The following PTPN2 variants were observed in gnomAD, a reference collection of about 807,000 sequenced individuals.
PTPN2 encodes the protein tyrosine-protein phosphatase non-receptor type 2.
In PTPN2, 19 loss-of-function variants were observed where a neutral mutation model predicts 57.3. The ratio of observed to expected loss-of-function variants is 0.33; its 90% CI spans 0.23 to 0.49. The LOEUF is 0.49. Ranked by LOEUF, PTPN2 falls within the 20% of genes least tolerant of loss-of-function variation. The pLI, the probability that PTPN2 is intolerant of heterozygous loss-of-function variation, is 0.99. For missense variants in PTPN2, 358 were observed against 501.1 expected (o/e 0.71, Z 2.73); for synonymous variants, 153 against 164.9 (o/e 0.93, Z 0.55).
intron 5 of PTPN2, among the ~76,000 whole-genome samples, chr18:12,823,221 T>C (rs1393647515): frequency 6.6e-6 from 1 of 152,124 alleles, no homozygotes; most frequent in Non-Finnish European, 1.5e-5. Context: ...CAATAAAAAA[T>C]CCAGTGATCA....
intron 3 of PTPN2, among the ~76,000 whole-genome samples, chr18:12,835,862 C>A (rs2042845092): frequency 6.6e-6 from 1 of 152,158 alleles, no homozygotes; most frequent in African/African-American, 2.4e-5. Context: ...ATTCTTTGAA[C>A]TAGGAGTTTA....
At chr18:12,857,468 C>T (rs1052613197) in intron 2 of PTPN2, among the ~76,000 whole-genome samples, 1 of 152,080 alleles carries the variant, frequency 6.6e-6, no homozygotes, top group Admixed American at 6.6e-5. Context: ...GGGGTATACT[C>T]GATCTTTCTG....
chr18:12,796,464 G>T (rs1255790619), intron 8 of PTPN2, among the ~76,000 whole-genome samples: 1 of 152,140 alleles, frequency 6.6e-6, no homozygotes, highest in Non-Finnish European at 1.5e-5. Context: ...CTATGTATTA[G>T]AATATTTTAA....
At chr18:12,832,487 G>A (rs1420521133) in intron 3 of PTPN2, among the ~76,000 whole-genome samples, 1 of 152,104 alleles carries the variant, frequency 6.6e-6, no homozygotes, top group African/African-American at 2.4e-5. Flanking sequence ...TTACTTAAAT[G>A]AATAAACCAA....
At chr18:12,843,569 G>A (rs148474945) in intron 2 of PTPN2, among the ~76,000 whole-genome samples, 190 of 152,196 alleles carry the variant, frequency 1.2e-3, no homozygotes, top group East Asian at 0.011. Flanking sequence ...CCAAGGTGCT[G>A]TGGCTTTTAA....
chr18:12,856,246 G>A (rs1161936462), intron 2 of PTPN2, among the ~76,000 whole-genome samples: 1 of 152,218 alleles, frequency 6.6e-6, no homozygotes, highest in Non-Finnish European at 1.5e-5. Flanking sequence ...GGCGGTGTGG[G>A]GATGTGCTGG....
chr18:12,813,984 CT>C (rs2041980824), intron 7 of PTPN2, among the ~76,000 whole-genome samples: 1 of 152,154 alleles, frequency 6.6e-6, no homozygotes, highest in Non-Finnish European at 1.5e-5. Context: ...AATCTTGTTT[CT>C]ACAAGGGCTT....
chr18:12,850,941 T>C (rs1448719529), intron 2 of PTPN2, among the ~76,000 whole-genome samples: 2 of 152,226 alleles, frequency 1.3e-5, no homozygotes, highest in South Asian at 2.1e-4. Flanking sequence ...GGTTTCTCCA[T>C]GTTGGTCAGG....
In PTPN2 at chr18:12,856,079, G is replaced by A. The variant is rs73404489; in HGVS notation, c.160+3085C>T. Among the ~76,000 whole-genome samples, 1,345 of 152,302 alleles carry A rather than the reference G, an allele frequency of 8.8e-3. 28 individuals carry two copies. The highest frequency in any genetic ancestry group is 0.031 in the African/African-American group (1,302 of 41,558). On this transcript the variant is annotated intron_variant, in intron 2 of 8. Transcript: ENST00000309660. ...ATTTCAGAGGTGAAGATGACTAAAG[G>A]TCAATGTCAGCGGAGCTGAACAGGT...
chr18:12,866,190 G>C (rs2043985929), intron 1 of PTPN2, among the ~76,000 whole-genome samples: 1 of 152,182 alleles, frequency 6.6e-6, no homozygotes, highest in Non-Finnish European at 1.5e-5. Context: ...TGTAACCCTA[G>C]CACTTTGGGA....
At chr18:12,828,015 GA>G (rs1568120561) in intron 4 of PTPN2, among the ~76,000 whole-genome samples, 2 of 151,348 alleles carry the variant, frequency 1.3e-5, no homozygotes, top group Admixed American at 1.3e-4. Flanking sequence ...TGAAGAAAAA[GA>G]AAAAAAGAAT....
chr18:12,820,485 G>C (rs1035980119), intron 5 of PTPN2, among the ~76,000 whole-genome samples: 1 of 152,048 alleles, frequency 6.6e-6, no homozygotes, highest in East Asian at 1.9e-4. Context: ...AAAAAAATGA[G>C]AGGGGAAAAA....
intron 7 of PTPN2, among the ~76,000 whole-genome samples, chr18:12,804,663 C>A (rs1032583374): frequency 8.5e-5 from 13 of 152,088 alleles, no homozygotes. Context: ...TAGACACACA[C>A]GAACTATCAA....
chr18:12,882,854 G>A (rs2044706630), intron 1 of PTPN2, among the ~76,000 whole-genome samples: 1 of 152,168 alleles, frequency 6.6e-6, no homozygotes, highest in Admixed American at 6.5e-5. Context: ...AGGAAAGCCC[G>A]TCTTTTACTT....
intron 3 of PTPN2, among the ~76,000 whole-genome samples, chr18:12,834,620 G>C (rs993117277): frequency 6.6e-6 from 1 of 151,940 alleles, no homozygotes; most frequent in Non-Finnish European, 1.5e-5. Flanking sequence ...TGAAATGCTG[G>C]CACCAAGATT....
chr18:12,840,569 C>G, intron 2 of PTPN2: 1 of 924,466 alleles, frequency 1.1e-6, no homozygotes, highest in Non-Finnish European at 1.6e-6. Context: ...ACTGGGTCAC[C>G]TCTCTCAGTC....
At chr18:12,833,682 A>C (rs1232834660) in intron 3 of PTPN2, among the ~76,000 whole-genome samples, 1 of 152,184 alleles carries the variant, frequency 6.6e-6, no homozygotes, top group Non-Finnish European at 1.5e-5. Flanking sequence ...TGACTACACC[A>C]CTAGAGTGAC....
intron 8 of PTPN2, among the ~76,000 whole-genome samples, chr18:12,799,977 C>T (rs930526880): frequency 7.9e-5 from 12 of 152,046 alleles, no homozygotes; most frequent in African/African-American, 2.7e-4. Flanking sequence ...CAGACTTCTC[C>T]GCTTAGAATT....
chr18:12,836,784 T>TA lies in PTPN2; in HGVS notation c.261+6dup. On this transcript the variant is annotated splice_region_variant and intron_variant, in intron 3 of 8. Transcript: ENST00000309660. ...TTCAGACATTTGCGTGGTATCGTAT[T>TA]ACTTGCCTGTGTTAAGATGTAACTC... The TA allele has an allele frequency of 6.5e-7, 1 of 1,540,752 alleles. No individual in the cohort carries two copies. The highest frequency in any genetic ancestry group is 2.3e-5 in the East Asian group (1 of 44,432).
Sources: allele counts gnomAD v4.1 joint callset (sites outside exome capture counted in the v4.1 genomes callset), GRCh38; gene constraint gnomAD v4.1.1; transcripts MANE v1.5; gene names NCBI Gene and HGNC (gene_info 2026-07-23, HGNC 2026-07-21).